The following MX1 variants were observed in gnomAD, a reference collection of about 807,000 sequenced individuals.
MX1 encodes interferon-induced GTP-binding protein Mx1.
In MX1, 66 loss-of-function variants were observed where a neutral mutation model predicts 66.4. That is an observed-to-expected ratio of 0.99 (90% CI 0.82 to 1.22). The LOEUF is 1.22. MX1 is among the 50% of genes most tolerant of loss of function. MX1 has a pLI of 0.00. For synonymous variants in MX1, 311 were observed against 318.1 expected (o/e 0.98, Z 0.24); for missense variants, 787 against 834.3 (o/e 0.94, Z 0.70).
At chr21:41,458,353 C>T (rs968644791) in intron 16 of MX1, among the ~76,000 whole-genome samples, 175 bp from the exon 17 acceptor site, 2 of 152,044 alleles carry the variant, frequency 1.3e-5, no homozygotes, top group Non-Finnish European at 2.9e-5. Context: ...TGCATAGTTC[C>T]TCTCTGCCAC....
intron 1 of MX1, chr21:41,426,759 A>C (rs2090071868): frequency 6.6e-6 from 1 of 152,294 alleles, no homozygotes; most frequent in Non-Finnish European, 1.5e-5. Flanking sequence ...GGAAGGTTCA[A>C]GGAGTTCTCG....
intron 3 of MX1, chr21:41,428,780 T>C (rs951556178): frequency 1.3e-5 from 2 of 152,252 alleles, no homozygotes; most frequent in Admixed American, 6.5e-5. Context: ...ATGTTTATTG[T>C]TTCTAAAGAA....
intron 10 of MX1, 112 bp downstream of exon 10, chr21:41,442,026 CGTGT>C (rs1219885536): frequency 1.2e-5 from 4 of 339,108 alleles, no homozygotes; most frequent in Admixed American, 4.2e-5. Flanking sequence ...TGTGTGTGTG[CGTGT>C]GTGTGTGTGC....
In MX1 at chr21:41,449,221, C is replaced by T; in HGVS notation, c.1358C>T (p.Thr453Ile). 1 of 1,613,896 alleles carries T rather than the reference C, an allele frequency of 6.2e-7. No homozygotes were observed. The highest frequency in any genetic ancestry group is 2.2e-5 in the East Asian group (1 of 44,874). Residue 453 changes from threonine (T) to isoleucine (I), a missense_variant, in exon 14 of 17, where the codon ACA becomes ATA. By Grantham distance (89) the Thr-to-Ile change is moderately conservative. Coordinates refer to ENST00000398598, the MANE Select transcript of MX1 (RefSeq NM_002462.5). ...RELPGFVNYRTFETIVKQQIK... is the reference protein window; with the variant it reads ...RELPGFVNYRIFETIVKQQIK... ...CTGCCAGGCTTTGTGAATTACAGGACATTTGAGACAATCGTGAAACAGCAA... is the reference window on the plus strand; with the variant it reads ...CTGCCAGGCTTTGTGAATTACAGGATATTTGAGACAATCGTGAAACAGCAA...
intron 13 of MX1, among the ~76,000 whole-genome samples, chr21:41,448,379 T>C (rs1012367651): frequency 6.6e-6 from 1 of 152,250 alleles, no homozygotes; most frequent in East Asian, 1.9e-4. Flanking sequence ...ATGTGATGTA[T>C]TGTTAATTCC....
intron 8 of MX1, among the ~76,000 whole-genome samples, chr21:41,440,672 T>A (rs1337570190): frequency 6.6e-6 from 1 of 152,212 alleles, no homozygotes; most frequent in Non-Finnish European, 1.5e-5. Flanking sequence ...CCTGAGCCTA[T>A]AGCTCTGCTT....
Position 41,435,865 on chromosome 21 carries a change from A to T in MX1, c.134A>T (p.Tyr45Phe). The T allele has an allele frequency of 6.2e-7, 1 of 1,612,714 alleles. No homozygotes were observed. The highest frequency in any genetic ancestry group is 1.7e-5 in the Admixed American group (1 of 59,984). ...GCTGAGAACAACCTGTGCAGCCAGTATGAGGAGAAGGTGCGCCCCTGCATC... is the reference window on the plus strand; with the variant it reads ...GCTGAGAACAACCTGTGCAGCCAGTTTGAGGAGAAGGTGCGCCCCTGCATC... Reference protein sequence around the residue: ...SVAENNLCSQYEEKVRPCIDL... With the variant: ...SVAENNLCSQFEEKVRPCIDL... Residue 45 changes from tyrosine to phenylalanine, a missense_variant, in exon 6 of 17, where the codon TAT becomes TTT. Transcript: ENST00000398598.
At position 41,441,589 on chromosome 21, in the gene MX1, G is replaced by T; in HGVS notation, c.731-127G>T. On this transcript the variant is annotated intron_variant, in intron 9 of 16. Transcript: ENST00000398598. The surrounding 1 kb of genome is among the most constrained non-coding windows in gnomAD (Gnocchi z 4.0). ...GCTCCACTGCCCCCATGGTTCTGCA[G>T]GGGCTATGGCCTGTCCTCAAGCAAG... The T allele has an allele frequency of 1.1e-6, 1 of 946,914 alleles. No individual in the cohort carries two copies. The highest frequency in any genetic ancestry group is 1.7e-6 in the Non-Finnish European group (1 of 594,318). 58.7% of individuals were successfully genotyped at this position (946,914 alleles called of 1,614,324 possible).
chr21:41,439,849 G>T lies in MX1; in HGVS notation c.591+1G>T. The T allele has an allele frequency of 6.3e-7, 1 of 1,594,752 alleles. No individual in the cohort carries two copies. On this transcript the variant is annotated splice_donor_variant, in intron 8 of 16. Transcript: ENST00000398598. LOFTEE classifies it high-confidence loss of function. ...TCAGCCTGCTGACATTGGGTATAAGGTCAGACTTCAGACCCATTCTGACCT... is the reference window on the plus strand; with the variant it reads ...TCAGCCTGCTGACATTGGGTATAAGTTCAGACTTCAGACCCATTCTGACCT...
chr21:41,446,080 T>C lies in MX1; in HGVS notation c.1212T>C (p.Phe404=), dbSNP rs367798202. ...TAGGGGAGGAAGACATTCGGCTGTT[T>C]ACCAGACTCCGACACGAGTTCCACA... is the stretch of plus-strand genomic sequence containing the variant. ...ETVGEEDIRL[F]TRLRHEFHKW... Residue 404 remains phenylalanine (F), a synonymous_variant, in exon 13 of 17, where the codon TTT becomes TTC. Coordinates refer to ENST00000398598, the MANE Select transcript of MX1 (RefSeq NM_002462.5). The C allele has an allele frequency of 2.7e-5, 43 of 1,614,096 alleles. No individual in the cohort carries two copies. The highest frequency in any genetic ancestry group is 5.1e-6 in the Non-Finnish European group (6 of 1,180,036).
In MX1 at chr21:41,446,072, C is replaced by G; in HGVS notation, c.1204C>G (p.Arg402Gly). 6.2e-7 allele frequency: 1 copy of G among 1,614,144 alleles called. No individual in the cohort carries two copies. The highest frequency in any genetic ancestry group is 8.5e-7 in the Non-Finnish European group (1 of 1,180,020). ...GEETVGEEDI[R>G]LFTRLRHEFH... The stretch of plus-strand genomic sequence containing the variant: ...GGAAACTGTAGGGGAGGAAGACATT[C>G]GGCTGTTTACCAGACTCCGACACGA... The change falls in exon 13 of 17, where the codon CGG (arginine) becomes GGG (glycine). Residue 402 changes from arginine to glycine, a missense_variant. By Grantham distance (125) the Arg-to-Gly change is moderately radical. Transcript: ENST00000398598.
At chr21:41,453,854 A>G (rs1294129402) in intron 16 of MX1, among the ~76,000 whole-genome samples, 7 of 151,978 alleles carry the variant, frequency 4.6e-5, no homozygotes, top group African/African-American at 1.7e-4. Flanking sequence ...ATTGCTTGAA[A>G]GAGTTAAACT....
chr21:41,439,899 G>A, intron 8 of MX1, 51 bp downstream of exon 8: 1 of 1,474,568 alleles, frequency 6.8e-7, no homozygotes, highest in Non-Finnish European at 9.4e-7. Context: ...GGATGGGGGA[G>A]TGGAGGGGTG....
upstream of MX1, among the ~76,000 whole-genome samples, chr21:41,422,540 G>A (rs1210778508): frequency 6.6e-6 from 1 of 152,166 alleles, no homozygotes; most frequent in African/African-American, 2.4e-5. Flanking sequence ...AGTGTGACCT[G>A]GGTCCTGAGT....
rs911098703 is a variant in MX1 at position 41,459,200 on chromosome 21, C to G, written c.*442C>G. ...CTGTCTCCTCTCTCTGTAATAAACT[C>G]ATTTCTAGCAGACACTGCTCTGCCA... On this transcript the variant is annotated 3_prime_UTR_variant, in exon 17 of 17. Transcript: ENST00000398598. 5.6e-6 allele frequency: 1 copy of G among 178,230 alleles called. No individual in the cohort carries two copies. The highest frequency in any genetic ancestry group is 1.5e-4 in the South Asian group (1 of 6,640). 11.0% of individuals were successfully genotyped at this position (178,230 alleles called of 1,614,324 possible).
chr21:41,451,690 C>A (rs1220829511), intron 15 of MX1, among the ~76,000 whole-genome samples: 1 of 151,896 alleles, frequency 6.6e-6, no homozygotes, highest in Non-Finnish European at 1.5e-5. Flanking sequence ...AAAAAAGTAG[C>A]TGGACGTGGT....
chr21:41,443,773 T>A lies in MX1; in HGVS notation c.930-15T>A. The A allele has an allele frequency of 6.2e-7, 1 of 1,613,980 alleles. No homozygotes were observed. The highest frequency in any genetic ancestry group is 8.5e-7 in the Non-Finnish European group (1 of 1,179,826). Reference sequence around the variant, plus strand: ...GCTACATCAAGGTGGAAATCGGTCCTGTGTTCTCTTCTAGGGATCTGCTGG... The same window carrying A: ...GCTACATCAAGGTGGAAATCGGTCCAGTGTTCTCTTCTAGGGATCTGCTGG... On this transcript the variant is annotated splice_polypyrimidine_tract_variant and intron_variant, in intron 10 of 16. Transcript: ENST00000398598.
chr21:41,458,451 A>G, intron 16 of MX1, 77 bp from the exon 17 acceptor site: 1 of 1,161,266 alleles, frequency 8.6e-7, no homozygotes, highest in East Asian at 4.1e-5. Flanking sequence ...GGATCCCCTC[A>G]TGTGCACATG....
At chr21:41,447,701 G>A (rs1263947502) in intron 13 of MX1, among the ~76,000 whole-genome samples, 1 of 152,088 alleles carries the variant, frequency 6.6e-6, no homozygotes, top group Non-Finnish European at 1.5e-5. Context: ...GCACAACTTT[G>A]TGAATATACT....
Sources: gnomAD v4.1 joint callset for allele counts (sites outside exome capture counted in the v4.1 genomes callset) on GRCh38, gnomAD v4.1.1 for gene constraint, Gnocchi (gnomAD v3.1) non-coding constraint, MANE v1.5 for transcripts, NCBI Gene and HGNC (gene_info 2026-07-23, HGNC 2026-07-21) for gene names.